The following TRPC7 variants were observed in gnomAD, a reference collection of about 807,000 sequenced individuals.
The protein encoded by TRPC7 is short transient receptor potential channel 7.
TRPC7 carries 42 observed loss-of-function variants against 90.1 expected under a neutral mutation model. That is an observed-to-expected ratio of 0.47 (90% CI 0.36 to 0.60). The LOEUF (loss-of-function observed/expected upper bound fraction) is 0.60. Ranked by LOEUF, TRPC7 falls within the 20% of genes least tolerant of loss-of-function variation. The pLI is 0.00. For missense variants in TRPC7, 955 were observed against 1,112.3 expected (o/e 0.86, Z 2.01); for synonymous variants, 451 against 436.3 (o/e 1.03, Z -0.42).
intron 2 of TRPC7, among the ~76,000 whole-genome samples, 199 bp downstream of exon 2, chr5:136,356,409 A>C (rs1760376920): frequency 6.6e-6 from 1 of 152,198 alleles, no homozygotes; most frequent in African/African-American, 2.4e-5. Context: ...TGTAGTTTAA[A>C]GCATTTCACC....
chr5:136,300,723 A>T (rs1389218037), intron 3 of TRPC7, among the ~76,000 whole-genome samples: 3 of 152,210 alleles, frequency 2.0e-5, no homozygotes, highest in Non-Finnish European at 4.4e-5. Flanking sequence ...GCCAGCCTGG[A>T]ACATCATCTG....
chr5:136,349,290 T>C (rs2149856979), intron 2 of TRPC7, among the ~76,000 whole-genome samples: 1 of 152,332 alleles, frequency 6.6e-6, no homozygotes, highest in African/African-American at 2.4e-5. Context: ...AGCTCACACG[T>C]ACAGCCTAGT....
At chr5:136,329,128 T>A (rs1020952746) in intron 2 of TRPC7, among the ~76,000 whole-genome samples, 7 of 152,224 alleles carry the variant, frequency 4.6e-5, no homozygotes, top group Admixed American at 1.3e-4. Flanking sequence ...CACATTGACA[T>A]GGCATTTGTG....
At chr5:136,344,368 C>G (rs1040883904) in intron 2 of TRPC7, among the ~76,000 whole-genome samples, 1 of 152,126 alleles carries the variant, frequency 6.6e-6, no homozygotes, top group African/African-American at 2.4e-5. Flanking sequence ...AAACTGTAAA[C>G]CAAACCCCTG....
intron 8 of TRPC7, among the ~76,000 whole-genome samples, chr5:136,228,957 C>T (rs1755730788): frequency 6.6e-6 from 1 of 152,172 alleles, no homozygotes; most frequent in Non-Finnish European, 1.5e-5. Flanking sequence ...GGGCATCCCT[C>T]ACAGCCAACT....
chr5:136,224,265 A>G (rs1340254265), intron 10 of TRPC7, among the ~76,000 whole-genome samples: 1 of 152,208 alleles, frequency 6.6e-6, no homozygotes, highest in East Asian at 1.9e-4. Context: ...GCCCTTTTAT[A>G]ATTGATCATC....
intron 2 of TRPC7, among the ~76,000 whole-genome samples, chr5:136,331,431 A>G (rs1303612087): frequency 1.3e-5 from 2 of 152,102 alleles, no homozygotes; most frequent in African/African-American, 4.8e-5. Context: ...TCTTGCCTTC[A>G]TGGAGCTGAC....
chr5:136,237,663 T>C (rs1381170759), intron 7 of TRPC7, among the ~76,000 whole-genome samples: 3 of 152,222 alleles, frequency 2.0e-5, no homozygotes, highest in Non-Finnish European at 4.4e-5. Flanking sequence ...GGGAAAACAG[T>C]AATCTCCACT....
At chr5:136,251,590 C>T in intron 6 of TRPC7, 59 bp downstream of exon 6, 1 of 1,341,332 alleles carries the variant, frequency 7.5e-7, no homozygotes, top group Non-Finnish European at 1.0e-6. Context: ...CACAGTGAAG[C>T]ACCAGGCCCA....
intron 3 of TRPC7, among the ~76,000 whole-genome samples, chr5:136,292,211 C>T (rs1462615264): frequency 9.9e-5 from 15 of 151,898 alleles, no homozygotes; most frequent in Non-Finnish European, 2.9e-5. Context: ...AAATTGACAC[C>T]CTAACATCAC....
At chr5:136,339,634 C>G (rs1452593580) in intron 2 of TRPC7, among the ~76,000 whole-genome samples, 3 of 152,128 alleles carry the variant, frequency 2.0e-5, no homozygotes, top group Non-Finnish European at 4.4e-5. Flanking sequence ...CTGTGTCCCC[C>G]ACCCAGAAAT....
chr5:136,255,435 C>T (rs1413636818), intron 5 of TRPC7, among the ~76,000 whole-genome samples: 1 of 152,228 alleles, frequency 6.6e-6, no homozygotes, highest in Non-Finnish European at 1.5e-5. Context: ...TTGTTGAAGG[C>T]TCAGATGATT....
chr5:136,256,033 A>G (rs1192042311), intron 5 of TRPC7, among the ~76,000 whole-genome samples: 1 of 152,222 alleles, frequency 6.6e-6, no homozygotes, highest in Admixed American at 6.5e-5. Flanking sequence ...ACAATGCTAC[A>G]CTTAACCTGT....
At chr5:136,249,512 C>A (rs922658087) in intron 6 of TRPC7, among the ~76,000 whole-genome samples, 15 of 152,276 alleles carry the variant, frequency 9.9e-5, no homozygotes, top group South Asian at 2.1e-4. Flanking sequence ...TAACTTCTCC[C>A]GTTAAACAGA....
chr5:136,291,172 A>G (rs1757933299), intron 3 of TRPC7, among the ~76,000 whole-genome samples: 1 of 152,250 alleles, frequency 6.6e-6, no homozygotes, highest in South Asian at 2.1e-4. Flanking sequence ...AACTGGTACC[A>G]GCCACTGCAA....
chr5:136,293,527 AC>A (rs943214915), intron 3 of TRPC7, among the ~76,000 whole-genome samples: 5 of 152,094 alleles, frequency 3.3e-5, no homozygotes, highest in Non-Finnish European at 7.3e-5. Flanking sequence ...TCATGAGTGA[AC>A]TCCCATTCAC....
intron 6 of TRPC7, among the ~76,000 whole-genome samples, chr5:136,248,928 T>C (rs1756433372): frequency 6.6e-6 from 1 of 152,252 alleles, no homozygotes; most frequent in East Asian, 1.9e-4. Context: ...ACTGGGATGC[T>C]AATGTCCTGC....
intron 10 of TRPC7, among the ~76,000 whole-genome samples, chr5:136,222,456 G>C (rs1006831161): frequency 1.3e-5 from 2 of 152,178 alleles, no homozygotes; most frequent in Admixed American, 1.3e-4. Flanking sequence ...TAAGAAGGAG[G>C]GGGTGAATTG....
intron 2 of TRPC7, among the ~76,000 whole-genome samples, chr5:136,320,939 T>C (rs1759177898): frequency 6.6e-6 from 1 of 152,198 alleles, no homozygotes; most frequent in African/African-American, 2.4e-5. Flanking sequence ...ATTTTACTTA[T>C]TTTTATATTT....
Sources: gnomAD v4.1 joint callset for allele counts (sites outside exome capture counted in the v4.1 genomes callset) on GRCh38, gnomAD v4.1.1 for gene constraint, MANE v1.5 for transcripts, NCBI Gene and HGNC (gene_info 2026-07-23, HGNC 2026-07-21) for gene names.